The following SLC44A3 variants were observed in gnomAD, a reference collection of about 807,000 sequenced individuals.
SLC44A3 encodes the protein solute carrier family 44 member 3, also known as choline transporter-like protein 3.
SLC44A3 carries 74 observed loss-of-function variants against 75.4 expected under a neutral mutation model. The ratio of observed to expected loss-of-function variants is 0.98; its 90% CI spans 0.81 to 1.19. The LOEUF is 1.19. Ranked by LOEUF, SLC44A3 falls within the 50% of genes most tolerant of loss-of-function variation. SLC44A3 has a pLI of 0.00. For synonymous variants in SLC44A3, 310 were observed against 296.9 expected, an observed-to-expected ratio of 1.04 and a Z score of -0.45; for missense variants, 700 against 778.6, an observed-to-expected ratio of 0.90 and a Z score of 1.20.
chr1:94,887,201 G>A (rs1408074324), intron 12 of SLC44A3, among the ~76,000 whole-genome samples: 5 of 152,100 alleles, frequency 3.3e-5, no homozygotes, highest in Non-Finnish European at 5.9e-5. Flanking sequence ...AAGGACTTAC[G>A]ATGAAAATGT....
At chr1:94,886,555 G>A (rs917189545) in intron 12 of SLC44A3, among the ~76,000 whole-genome samples, 3 of 152,110 alleles carry the variant, frequency 2.0e-5, no homozygotes, top group Non-Finnish European at 2.9e-5. Context: ...GGGCCAGCTC[G>A]TATGCCACTT....
intron 5 of SLC44A3, 40 bp downstream of exon 5, chr1:94,828,626 G>T (rs762223039): frequency 1.3e-6 from 2 of 1,561,080 alleles, no homozygotes; most frequent in Non-Finnish European, 1.8e-6. Context: ...CTAAACAAAA[G>T]TTACTGGGTA....
rs753477679 is a variant in SLC44A3 at position 94,894,991 on chromosome 1, G to T, written c.*69G>T. 1.7e-6 allele frequency: 2 copies of T among 1,204,806 alleles called. No homozygotes were observed. Among genetic ancestry groups the T allele is most frequent in the Non-Finnish European group, 2.3e-6 (2 of 856,128 alleles). 74.6% of individuals were successfully genotyped at this position (1,204,806 alleles called of 1,614,324 possible). A position where few individuals can be genotyped will look rare whatever the true frequency, so the allele number is the denominator to read the frequency against. ...GAGCCATTTACAGAATAGAAGATGA[G>T]ACCACTAGAGAAAAGTTAGTGAATT... is the stretch of plus-strand genomic sequence containing the variant. On this transcript the variant is annotated 3_prime_UTR_variant, in exon 15 of 15. Transcript: ENST00000271227.
At chr1:94,894,056 T>C (rs1026513501) in intron 14 of SLC44A3, among the ~76,000 whole-genome samples, 1 of 151,780 alleles carries the variant, frequency 6.6e-6, no homozygotes, top group African/African-American at 2.4e-5. Context: ...GATGGCGCCA[T>C]TGCACTCCAG....
intron 12 of SLC44A3, among the ~76,000 whole-genome samples, chr1:94,871,095 C>T (rs1667721828): frequency 6.6e-6 from 1 of 152,164 alleles, no homozygotes; most frequent in Non-Finnish European, 1.5e-5. Context: ...CCCTCCAGGA[C>T]CCAAGCCCTT....
intron 12 of SLC44A3, among the ~76,000 whole-genome samples, chr1:94,878,027 G>A (rs967683278): frequency 6.6e-6 from 1 of 152,140 alleles, no homozygotes; most frequent in African/African-American, 2.4e-5. Flanking sequence ...GAGGTCAGGA[G>A]ATCGAGACCA....
At chr1:94,878,324 G>T (rs1439140657) in intron 12 of SLC44A3, among the ~76,000 whole-genome samples, 5 of 152,088 alleles carry the variant, frequency 3.3e-5, no homozygotes, top group Non-Finnish European at 5.9e-5. Flanking sequence ...CTCGCTTAGT[G>T]CCCTGTCCCC....
intron 12 of SLC44A3, among the ~76,000 whole-genome samples, chr1:94,883,121 C>G (rs1180180749): frequency 6.6e-6 from 1 of 151,310 alleles, no homozygotes; most frequent in African/African-American, 2.4e-5. Flanking sequence ...ACCGCAAGGG[C>G]CTTCCAGGAT....
intron 3 of SLC44A3, chr1:94,826,082 A>G: frequency 2.7e-6 from 1 of 364,296 alleles, no homozygotes; most frequent in South Asian, 2.1e-5. Context: ...GACACATACT[A>G]CAACAGGGAT....
At chr1:94,875,858 C>G (rs1374225853) in intron 12 of SLC44A3, among the ~76,000 whole-genome samples, 4 of 152,156 alleles carry the variant, frequency 2.6e-5, no homozygotes, top group Non-Finnish European at 4.4e-5. Flanking sequence ...GTTCTTTGTG[C>G]CTTCCTGTCA....
intron 6 of SLC44A3, among the ~76,000 whole-genome samples, chr1:94,838,194 G>C (rs1418326760): frequency 6.6e-6 from 1 of 152,210 alleles, no homozygotes; most frequent in African/African-American, 2.4e-5. Context: ...CTGTCAGGGT[G>C]ACCAGAAACC....
At chr1:94,858,743 G>A (rs547834550) in intron 10 of SLC44A3, among the ~76,000 whole-genome samples, 148 of 152,242 alleles carry the variant, frequency 9.7e-4, no homozygotes, top group African/African-American at 3.3e-3. Flanking sequence ...CCAGGCTGGA[G>A]TGTAGCGGCA....
At chr1:94,821,160 T>A in intron 2 of SLC44A3, 104 bp downstream of exon 2, 1 of 879,886 alleles carries the variant, frequency 1.1e-6, no homozygotes, top group Non-Finnish European at 1.7e-6. Flanking sequence ...GTGAGAGACT[T>A]CTGCCGTTAA....
At chr1:94,848,459 G>A (rs1664746782) in intron 9 of SLC44A3, among the ~76,000 whole-genome samples, 1 of 152,120 alleles carries the variant, frequency 6.6e-6, no homozygotes, top group African/African-American at 2.4e-5. Context: ...GAAACAGTGA[G>A]GTCTTAGGAA....
At chr1:94,870,043 C>T (rs760879658) in intron 12 of SLC44A3, among the ~76,000 whole-genome samples, 1 of 152,246 alleles carries the variant, frequency 6.6e-6, no homozygotes, top group African/African-American at 2.4e-5. Context: ...AGTAGGGAGG[C>T]AGGTGGCAGT....
intron 5 of SLC44A3, among the ~76,000 whole-genome samples, chr1:94,828,908 G>A (rs1186917250): frequency 6.6e-6 from 1 of 152,102 alleles, no homozygotes; most frequent in Non-Finnish European, 1.5e-5. Context: ...AAATTAGTGT[G>A]TATTTTTTTC....
intron 12 of SLC44A3, among the ~76,000 whole-genome samples, chr1:94,877,509 G>A (rs1467791217): frequency 6.6e-6 from 1 of 152,104 alleles, no homozygotes. Context: ...AGAAACAGAA[G>A]CAAAGAGAGC....
Position 94,891,234 on chromosome 1 carries a change from C to G in SLC44A3, c.1587C>G (p.Asn529Lys). The change falls in exon 13 of 15, where the codon AAC becomes AAG. Residue 529 changes from asparagine (N) to lysine (K), a missense_variant. Asn to Lys is a moderately conservative substitution (Grantham distance 94). Coordinates refer to ENST00000271227, the MANE Select transcript of SLC44A3 (RefSeq NM_001114106.3). ...SKNSSHFTSI[N>K]CFGDFIIFLG... Reference sequence around the variant, plus strand: ...ACTCAAGTCACTTTACATCTATTAACTGCTTTGGAGACTTCATAATTTTTC... The same window carrying G: ...ACTCAAGTCACTTTACATCTATTAAGTGCTTTGGAGACTTCATAATTTTTC... 1 of 1,613,186 alleles carries G rather than the reference C, an allele frequency of 6.2e-7. No individual in the cohort carries two copies. Among genetic ancestry groups the G allele is most frequent in the South Asian group, 1.1e-5 (1 of 90,972 alleles).
At chr1:94,871,995 A>G (rs763178487) in intron 12 of SLC44A3, among the ~76,000 whole-genome samples, 6 of 152,234 alleles carry the variant, frequency 3.9e-5, no homozygotes, top group Non-Finnish European at 8.8e-5. Flanking sequence ...AAACTGGGAA[A>G]AGAACACTTC....
Sources: gnomAD v4.1 joint callset for allele counts (sites outside exome capture counted in the v4.1 genomes callset) on GRCh38, gnomAD v4.1.1 for gene constraint, MANE v1.5 for transcripts, NCBI Gene and HGNC (gene_info 2026-07-23, HGNC 2026-07-21) for gene names.